EXD3: variants seen among roughly 807,000 people sequenced by gnomAD.
The protein encoded by EXD3 is exonuclease mut-7 homolog.
EXD3 carries 92 observed loss-of-function variants against 98.0 expected under a neutral mutation model. That is an observed-to-expected ratio of 0.94 (90% CI 0.79 to 1.12). The LOEUF is 1.12. Ranked by LOEUF, EXD3 falls within the 50% of genes most tolerant of loss-of-function variation. The pLI is 0.00. For missense variants in EXD3, 1,222 were observed against 1,191.6 expected, an observed-to-expected ratio of 1.03 and a Z score of -0.38; for synonymous variants, 569 against 526.0, an observed-to-expected ratio of 1.08 and a Z score of -1.12.
chr9:137,388,027 T>G (rs1392834983), intron 2 of EXD3, among the ~76,000 whole-genome samples: 2 of 152,064 alleles, frequency 1.3e-5, no homozygotes, highest in African/African-American at 2.4e-5. Context: ...ACCATGTGGG[T>G]GGGGGCAGAG....
intron 17 of EXD3, among the ~76,000 whole-genome samples, chr9:137,333,831 T>TTTTTC (rs1013045856): frequency 1.3e-5 from 2 of 152,018 alleles, no homozygotes; most frequent in Admixed American, 6.6e-5. Context: ...GGTATTTCTT[T>TTTTTC]TTTTCTTTTC....
chr9:137,382,111 G>A (rs1376582887), intron 3 of EXD3, among the ~76,000 whole-genome samples: 6 of 88,430 alleles, frequency 6.8e-5, no homozygotes, highest in Admixed American at 6.8e-4. Context: ...AGGTCAGGGC[G>A]GCGGTGGAGG....
At chr9:137,373,792 G>A (rs540053619) in intron 3 of EXD3, among the ~76,000 whole-genome samples, 193 bp from the exon 4 acceptor site, 4 of 152,230 alleles carry the variant, frequency 2.6e-5, no homozygotes, top group South Asian at 2.1e-4. Flanking sequence ...CCCCAGGGGC[G>A]GTGGTCATTG....
At chr9:137,414,700 T>C (rs1838156475) in intron 1 of EXD3, among the ~76,000 whole-genome samples, 1 of 152,172 alleles carries the variant, frequency 6.6e-6, no homozygotes, top group Non-Finnish European at 1.5e-5. Flanking sequence ...CATGACCAAT[T>C]TTAAACACAA....
intron 17 of EXD3, among the ~76,000 whole-genome samples, chr9:137,335,286 A>G (rs2119164998): frequency 6.6e-6 from 1 of 152,298 alleles, no homozygotes; most frequent in African/African-American, 2.4e-5. Context: ...ACAGATACGC[A>G]GCAAACGTGA....
Position 137,373,638 on chromosome 9 carries a change from A to G in EXD3, c.121-39T>C, listed in dbSNP as rs768036182. The G allele has an allele frequency of 2.6e-6, 4 of 1,550,848 alleles. No homozygotes were observed. The Admixed American group carries it at 8.2e-5, about 32-fold the overall frequency. On this transcript the variant is annotated intron_variant, in intron 3 of 21. Transcript: ENST00000340951. Reference sequence around the variant, plus strand: ...AAACCACACTGGCACTTTGTCTTGCACTCAAAGCCTCCTGGCAAGGCCTCC... The same window carrying G: ...AAACCACACTGGCACTTTGTCTTGCGCTCAAAGCCTCCTGGCAAGGCCTCC...
chr9:137,397,124 C>A (rs1837256940), intron 1 of EXD3, among the ~76,000 whole-genome samples: 1 of 152,246 alleles, frequency 6.6e-6, no homozygotes, highest in African/African-American at 2.4e-5. Flanking sequence ...TGACACACTG[C>A]AGTCCAGGCC....
At chr9:137,372,814 C>G in intron 5 of EXD3, 91 bp downstream of exon 5, 2 of 1,355,968 alleles carry the variant, frequency 1.5e-6, no homozygotes, top group Non-Finnish European at 2.0e-6. Context: ...CCAAACAGCC[C>G]CCACACAGAG....
chr9:137,374,702 G>A (rs1343809255), intron 3 of EXD3: 27 of 985,416 alleles, frequency 2.7e-5, no homozygotes, highest in Non-Finnish European at 2.9e-5. Flanking sequence ...ACCCTCCAAA[G>A]GATGCCCCTC....
intron 17 of EXD3, among the ~76,000 whole-genome samples, chr9:137,338,038 C>T (rs528054515): frequency 3.3e-5 from 5 of 152,128 alleles, no homozygotes; most frequent in Admixed American, 6.5e-5. Flanking sequence ...CTGCCCGCCT[C>T]GGCCTCCCAA....
At position 137,410,954 on chromosome 9, in the gene EXD3, C is replaced by A. The variant is rs1837968896; in HGVS notation, c.-48+12160G>T. On this transcript the variant is annotated intron_variant, in intron 1 of 21. Transcript: ENST00000340951. ...AGACCCCCCAGGGCCTGAGTGAGGTCCAGGCGTCTCAGGGGACTGCAGGTG... is the reference window on the plus strand; with the variant it reads ...AGACCCCCCAGGGCCTGAGTGAGGTACAGGCGTCTCAGGGGACTGCAGGTG... Among the ~76,000 whole-genome samples the A allele has an allele frequency of 2.0e-5, 3 of 151,992 alleles. No homozygotes were observed. The South Asian group carries it at 6.2e-4, about 32-fold the overall frequency.
intron 1 of EXD3, among the ~76,000 whole-genome samples, chr9:137,413,016 C>T (rs987820419): frequency 3.9e-5 from 6 of 152,184 alleles, no homozygotes; most frequent in East Asian, 1.9e-4. Flanking sequence ...CTCCTGAGCT[C>T]GGTAATCCTC....
chr9:137,349,359 C>A lies in EXD3; in HGVS notation c.1657+10G>T. On this transcript the variant is annotated intron_variant, in intron 15 of 21. Transcript: ENST00000340951. This position sits in a 1 kb window ranked among gnomAD's most constrained non-coding sequence, Gnocchi z 7.4. ...GAGGAGGGGTCACTCCCACCCGCCG[C>A]ACCGCACACCTGCGTAGATGACCTG... is the stretch of plus-strand genomic sequence containing the variant. The A allele has an allele frequency of 6.3e-7, 1 of 1,575,836 alleles. No homozygotes were observed. Among genetic ancestry groups the A allele is most frequent in the Non-Finnish European group, 8.6e-7 (1 of 1,166,530 alleles).
intron 17 of EXD3, among the ~76,000 whole-genome samples, chr9:137,346,508 T>C (rs1833938024): frequency 6.6e-6 from 1 of 152,282 alleles, no homozygotes; most frequent in East Asian, 1.9e-4. Context: ...CTCGGCTCCA[T>C]CTGTTTCAGC....
In EXD3 at chr9:137,355,481, AG is replaced by A. The variant is rs1445410827; in HGVS notation, c.758-709del. Among the ~76,000 whole-genome samples the A allele has an allele frequency of 1.6e-4, 19 of 122,316 alleles. 1 individual carries two copies. The highest frequency in any genetic ancestry group is 5.7e-4 in the African/African-American group (16 of 28,276). The allele number at this position is 122,316 out of a possible 152,430, so 80.2% of individuals were successfully genotyped here. ...AAGGAGAAAGGAGGAAGGAGGAAGG[AG>A]GAAGGAGGATGGAGGAAGGAGGAAG... On this transcript the variant is annotated intron_variant, in intron 8 of 21. Coordinates refer to ENST00000340951, the MANE Select transcript of EXD3 (RefSeq NM_017820.5).
intron 17 of EXD3, among the ~76,000 whole-genome samples, chr9:137,330,738 C>A (rs574991501): frequency 6.6e-6 from 1 of 152,142 alleles, no homozygotes. Flanking sequence ...AGAATAAACC[C>A]GGCAACACTC....
intron 17 of EXD3, among the ~76,000 whole-genome samples, chr9:137,335,134 A>G (rs1833288588): frequency 6.6e-6 from 1 of 152,180 alleles, no homozygotes; most frequent in South Asian, 2.1e-4. Flanking sequence ...ATGGAAGAAA[A>G]TATTTGCAAA....
chr9:137,308,469 T>G (rs1321097222), intron 20 of EXD3, among the ~76,000 whole-genome samples: 1 of 151,912 alleles, frequency 6.6e-6, no homozygotes, highest in Non-Finnish European at 1.5e-5. Context: ...TACCCTCGGG[T>G]GGGGTGTGTG....
intron 17 of EXD3, among the ~76,000 whole-genome samples, chr9:137,335,907 G>T (rs1012413188): frequency 3.9e-5 from 6 of 152,076 alleles, no homozygotes; most frequent in African/African-American, 1.4e-4. Flanking sequence ...ATCAAGCAAT[G>T]AGTGGATTAA....
Sources: gnomAD v4.1 joint callset for allele counts (sites outside exome capture counted in the v4.1 genomes callset) on GRCh38, gnomAD v4.1.1 for gene constraint, Gnocchi (gnomAD v3.1) non-coding constraint, MANE v1.5 for transcripts, NCBI Gene and HGNC (gene_info 2026-07-23, HGNC 2026-07-21) for gene names.